Variants in DEFB108B observed in about 807,000 individuals in gnomAD.
DEFB108B encodes beta-defensin 108B.
Under a neutral mutation model 2.4 loss-of-function variants are expected in DEFB108B, and 3 were observed. The ratio of observed to expected loss-of-function variants is 1.25; its 90% CI spans 0.57 to 3.24. The LOEUF (loss-of-function observed/expected upper bound fraction) is 3.24. DEFB108B is among the 30% of genes most tolerant of loss of function. DEFB108B has a pLI of 0.03. For synonymous variants in DEFB108B, 25 were observed against 28.7 expected (o/e 0.87, Z 0.41); for missense variants, 101 against 87.8 (o/e 1.15, Z -0.60).
At chr11:71,833,873 T>A (rs1426580876) in intron 1 of DEFB108B, among the ~76,000 whole-genome samples, 2 of 152,158 alleles carry the variant, frequency 1.3e-5, no homozygotes, top group African/African-American at 4.8e-5. Flanking sequence ...GCCTACTGCA[T>A]TCAGCATGCA....
In DEFB108B at chr11:71,833,673, CTT is replaced by C. The variant is rs376992607; in HGVS notation, c.58+418_58+419del. On this transcript the variant is annotated intron_variant, in intron 1 of 1. Coordinates refer to ENST00000328698, the MANE Select transcript of DEFB108B (RefSeq NM_001002035.2). ...CAGAAGGGATTGGTGGAAGAAGTCT[CTT>C]TGAAAATATTATTATAATCTAAGAA... 2.1e-4 allele frequency among the ~76,000 whole-genome samples: 32 copies of C among 152,366 alleles called. No homozygotes were observed. The South Asian group carries it at 5.6e-3, about 27-fold the overall frequency.
At chr11:71,836,083 C>T (rs1006446002) in intron 1 of DEFB108B, among the ~76,000 whole-genome samples, 4 of 152,122 alleles carry the variant, frequency 2.6e-5, no homozygotes, top group Non-Finnish European at 2.9e-5. Context: ...TAGCACAAGG[C>T]CAGTGGGCTT....
chr11:71,835,968 G>A (rs938257651), intron 1 of DEFB108B, among the ~76,000 whole-genome samples: 7 of 152,116 alleles, frequency 4.6e-5, no homozygotes, highest in Non-Finnish European at 7.4e-5. Flanking sequence ...CTACCACAGA[G>A]GGATGTTCAA....
intron 1 of DEFB108B, 152 bp from the exon 2 acceptor site, chr11:71,837,247 A>C (rs1310125033): frequency 2.9e-6 from 3 of 1,021,930 alleles, no homozygotes; most frequent in African/African-American, 1.6e-5. Flanking sequence ...GCAGATTTTT[A>C]AGTGTTTAAG....
chr11:71,834,836 C>T (rs1952205675), intron 1 of DEFB108B: 1 of 152,174 alleles, frequency 6.6e-6, no homozygotes, highest in Admixed American at 6.5e-5. Context: ...TTCTTTCCGT[C>T]AGCTTATTTC....
chr11:71,834,105 T>A (rs1246037499), intron 1 of DEFB108B, among the ~76,000 whole-genome samples: 1 of 152,198 alleles, frequency 6.6e-6, no homozygotes, highest in Non-Finnish European at 1.5e-5. Context: ...ACTGAAGTGC[T>A]TTTCTCAACA....
chr11:71,835,259 T>A (rs1952209209), intron 1 of DEFB108B, among the ~76,000 whole-genome samples: 3 of 152,110 alleles, frequency 2.0e-5, no homozygotes, highest in Admixed American at 1.3e-4. Flanking sequence ...TCCTGGTAAG[T>A]CCCAATCTCT....
In DEFB108B at chr11:71,833,254, CCAG is replaced by C; in HGVS notation, c.56_58del (p.Ala20del). 6.4e-7 allele frequency: 1 copy of C among 1,569,966 alleles called. No homozygotes were observed. Among genetic ancestry groups the C allele is most frequent in the Non-Finnish European group, 8.7e-7 (1 of 1,145,310 alleles). Reference sequence around the variant, plus strand: ...TTTCTTCTTTATGAGCCAAGTTCTACCAGGTAACAAAATAAACTTGGTAAGAGT... The same window carrying C: ...TTTCTTCTTTATGAGCCAAGTTCTACGTAACAAAATAAACTTGGTAAGAGT... On this transcript the variant is annotated inframe_deletion and splice_region_variant, in exon 1 of 2. Coordinates refer to ENST00000328698, the MANE Select transcript of DEFB108B (RefSeq NM_001002035.2).
intron 1 of DEFB108B, among the ~76,000 whole-genome samples, chr11:71,836,593 G>C (rs1212144704): frequency 6.6e-6 from 1 of 152,160 alleles, no homozygotes; most frequent in Admixed American, 6.5e-5. Context: ...CCTATCCCCA[G>C]AGCAGTGATA....
chr11:71,833,671 C>T (rs1952195226), intron 1 of DEFB108B, among the ~76,000 whole-genome samples: 1 of 152,192 alleles, frequency 6.6e-6, no homozygotes. Context: ...TGGAAGAAGT[C>T]TCTTTGAAAA....
chr11:71,833,966 G>A (rs1163822676), intron 1 of DEFB108B, among the ~76,000 whole-genome samples: 1 of 152,116 alleles, frequency 6.6e-6, no homozygotes, highest in Non-Finnish European at 1.5e-5. Flanking sequence ...TGCCCATGGT[G>A]GTTACCAGAC....
Position 71,837,495 on chromosome 11 carries a change from G to C in DEFB108B, c.155G>C (p.Ser52Thr), listed in dbSNP as rs1357627150. The C allele has an allele frequency of 6.2e-7, 1 of 1,611,776 alleles. No homozygotes were observed. Among genetic ancestry groups the C allele is most frequent in the African/African-American group, 1.3e-5 (1 of 74,806 alleles). ...TEIHVGRCLN[S>T]QPCCLPLGHQ... ...ATCCATGTTGGGAGATGTTTAAATA[G>C]CCAACCCTGCTGCCTGCCTCTGGGG... The change falls in exon 2 of 2, where the codon AGC becomes ACC. Residue 52 changes from serine to threonine, a missense_variant. Coordinates refer to ENST00000328698, the MANE Select transcript of DEFB108B (RefSeq NM_001002035.2).
chr11:71,837,173 G>T (rs746828605), intron 1 of DEFB108B: 18 of 562,046 alleles, frequency 3.2e-5, no homozygotes, highest in Non-Finnish European at 4.5e-5. Flanking sequence ...CTTTTGTCAT[G>T]TAGGTGCACC....
At chr11:71,837,222 A>C (rs1952227066) in intron 1 of DEFB108B, 177 bp from the exon 2 acceptor site, 1 of 867,622 alleles carries the variant, frequency 1.2e-6, no homozygotes, top group African/African-American at 1.7e-5. Context: ...AAAAAATCCA[A>C]ATCTTTGTGT....
chr11:71,834,151 T>C, intron 1 of DEFB108B, among the ~76,000 whole-genome samples: 1 of 152,220 alleles, frequency 6.6e-6, no homozygotes, highest in South Asian at 2.1e-4. Context: ...TTTGTTTTAA[T>C]ATCCTGGCTT....
Position 71,837,611 on chromosome 11 carries a change from C to T in DEFB108B, c.*49C>T. ...TATGTTCTCTTTTTTCTCTCTCCCT[C>T]TCTCTGTCTCCCTGTCTCCCTTTCC... On this transcript the variant is annotated 3_prime_UTR_variant, in exon 2 of 2. Transcript: ENST00000328698. The T allele has an allele frequency of 5.1e-6, 8 of 1,584,122 alleles. No individual in the cohort carries two copies. Among genetic ancestry groups the T allele is most frequent in the Non-Finnish European group, 6.9e-6 (8 of 1,166,458 alleles).
chr11:71,835,726 C>T (rs183132591), intron 1 of DEFB108B, among the ~76,000 whole-genome samples: 126 of 152,170 alleles, frequency 8.3e-4, no homozygotes, highest in African/African-American at 2.8e-3. Context: ...ACCTGTGAAC[C>T]GAGAGTAACA....
At position 71,833,804 on chromosome 11, in the gene DEFB108B, T is replaced by C. The variant is rs534468008; in HGVS notation, c.58+547T>C. On this transcript the variant is annotated intron_variant, in intron 1 of 1. Transcript: ENST00000328698. ...GCTTTCCCTCTTCCTTCTCAGCATC[T>C]AGTCTTGTAATGTAGAATTTAAACA... Among the ~76,000 whole-genome samples, 4 of 152,344 alleles carry C rather than the reference T, an allele frequency of 2.6e-5. No individual in the cohort carries two copies. The East Asian group carries it at 7.7e-4, about 29-fold the overall frequency.
At chr11:71,835,610 AT>A (rs945601652) in intron 1 of DEFB108B, among the ~76,000 whole-genome samples, 48 of 152,184 alleles carry the variant, frequency 3.2e-4, no homozygotes, top group African/African-American at 1.1e-3. Flanking sequence ...CAGTAGTGAG[AT>A]TACTGGGTCA....
Sources: gnomAD v4.1 joint callset for allele counts (sites outside exome capture counted in the v4.1 genomes callset) on GRCh38, gnomAD v4.1.1 for gene constraint, MANE v1.5 for transcripts, NCBI Gene and HGNC (gene_info 2026-07-23, HGNC 2026-07-21) for gene names.